The following VPS13B variants were observed in gnomAD, a reference collection of about 807,000 sequenced individuals.
The protein encoded by VPS13B is intermembrane lipid transfer protein VPS13B.
VPS13B carries 285 observed loss-of-function variants against 426.4 expected under a neutral mutation model. That is an observed-to-expected ratio of 0.67 (90% CI 0.61 to 0.74). VPS13B has a LOEUF of 0.74. Among genes scored for constraint, VPS13B ranks in the 30% least tolerant of loss-of-function variants. The probability of loss-of-function intolerance (pLI) is 0.00; values close to 1 mark genes in which losing one functional copy is unlikely to be tolerated. For synonymous variants in VPS13B, 1,676 were observed against 1,676.4 expected, an observed-to-expected ratio of 1.00 and a Z score of 0.01; for missense variants, 4,537 against 4,782.6, an observed-to-expected ratio of 0.95 and a Z score of 1.51.
intron 51 of VPS13B, among the ~76,000 whole-genome samples, chr8:99,829,238 C>A (rs1814905324): frequency 6.6e-6 from 1 of 152,188 alleles, no homozygotes; most frequent in Non-Finnish European, 1.5e-5. Context: ...GTACACCAAT[C>A]AAATGTAGGT....
chr8:99,165,822 A>G (rs1811969679), intron 15 of VPS13B, among the ~76,000 whole-genome samples: 1 of 152,320 alleles, frequency 6.6e-6, no homozygotes, highest in African/African-American at 2.4e-5. Context: ...GGCTCAGTAT[A>G]TATTTTAGGC....
intron 2 of VPS13B, among the ~76,000 whole-genome samples, chr8:99,030,838 A>C (rs1460674573): frequency 6.6e-6 from 1 of 152,192 alleles, no homozygotes; most frequent in East Asian, 1.9e-4. Context: ...AATATTTATT[A>C]ATCTTAATTT....
intron 58 of VPS13B, chr8:99,868,007 A>G (rs1353075128): frequency 3.8e-5 from 15 of 398,422 alleles, no homozygotes; most frequent in Non-Finnish European, 3.3e-5. Flanking sequence ...TGTATGGATG[A>G]CACTCTGAAT....
At chr8:99,616,765 C>T (rs116893149) in intron 33 of VPS13B, among the ~76,000 whole-genome samples, 552 of 152,310 alleles carry the variant, frequency 3.6e-3, no homozygotes, top group Non-Finnish European at 5.4e-3. Context: ...GCCGAAGTTG[C>T]GGTGAGCCGA....
chr8:99,051,763 T>A lies in VPS13B; in HGVS notation c.291+13197T>A, dbSNP rs1237062089. ...TCCTTCACATCCCTTGTAAGTTGGA[T>A]TCCTAGGTATTTCATTCTCTTTGAA... is the stretch of plus-strand genomic sequence containing the variant. On this transcript the variant is annotated intron_variant, in intron 3 of 61. Transcript: ENST00000357162. 4.6e-5 allele frequency among the ~76,000 whole-genome samples: 7 copies of A among 152,344 alleles called. No individual in the cohort carries two copies. In the East Asian group the frequency reaches 1.3e-3, roughly 29 times the overall value.
At chr8:99,261,024 A>T (rs1404352861) in intron 17 of VPS13B, among the ~76,000 whole-genome samples, 1 of 151,942 alleles carries the variant, frequency 6.6e-6, no homozygotes, top group African/African-American at 2.4e-5. Context: ...GATTTCCCTT[A>T]TACCCCCACC....
rs1377264461 is a variant in VPS13B at position 99,875,987 on chromosome 8, T to TA, written c.*322dup. ...GACAAAAACGTGTTCCTTCCCCACT[T>TA]AGAGACAATGATTAACAGGGCCCTA... is the stretch of plus-strand genomic sequence containing the variant. On this transcript the variant is annotated 3_prime_UTR_variant, in exon 62 of 62. Transcript: ENST00000357162. 2 of 371,778 alleles carry TA rather than the reference T, an allele frequency of 5.4e-6. No individual in the cohort carries two copies. Among genetic ancestry groups the TA allele is most frequent in the Non-Finnish European group, 1.0e-5 (2 of 198,470 alleles). 23.0% of individuals were successfully genotyped at this position (371,778 alleles called of 1,614,324 possible). A position where few individuals can be genotyped will look rare whatever the true frequency, so the allele number is the denominator to read the frequency against.
intron 16 of VPS13B, among the ~76,000 whole-genome samples, chr8:99,173,831 C>G (rs986110892): frequency 6.6e-6 from 1 of 152,200 alleles, no homozygotes; most frequent in Non-Finnish European, 1.5e-5. Flanking sequence ...TAAGACCACA[C>G]AGTTAATTAA....
chr8:99,269,986 G>T (rs1818488997), intron 17 of VPS13B, among the ~76,000 whole-genome samples: 2 of 151,696 alleles, frequency 1.3e-5, no homozygotes, highest in South Asian at 4.2e-4. Flanking sequence ...TTTTCTTAAG[G>T]AGAAATTATG....
intron 43 of VPS13B, among the ~76,000 whole-genome samples, chr8:99,798,692 G>A (rs1169767993): frequency 1.3e-5 from 2 of 152,066 alleles, no homozygotes; most frequent in Non-Finnish European, 2.9e-5. Flanking sequence ...TCCTCCCCTG[G>A]CAATAAATCT....
chr8:99,619,727 C>T (rs139264184), intron 33 of VPS13B, among the ~76,000 whole-genome samples: 28 of 151,880 alleles, frequency 1.8e-4, no homozygotes, highest in South Asian at 6.3e-4. Flanking sequence ...TAAAAATTAC[C>T]GGGTGTGGTG....
intron 39 of VPS13B, among the ~76,000 whole-genome samples, chr8:99,763,135 CAAAAAAAAA>C (rs750289763): frequency 1.7e-4 from 6 of 35,848 alleles, no homozygotes; most frequent in East Asian, 4.6e-4. Context: ...GACCTTGTCT[CAAAAAAAAA>C]AAAAAAAAAA....
In VPS13B at chr8:99,832,620, C is replaced by T. The variant is rs757859930; in HGVS notation, c.9582C>T (p.Leu3194=). The stretch of plus-strand genomic sequence containing the variant: ...CCAGACAGAGTGTGGCAGTACCCCT[C>T]GGGAATTTCCGGGAAAATGGATTCT... ...EFPRQSVAVP[L]GNFRENGFCT... The change falls in exon 52 of 62, where the codon CTC becomes CTT. Residue 3194 remains leucine (L), a synonymous_variant. Coordinates refer to ENST00000357162, the MANE Select transcript of VPS13B (RefSeq NM_152564.5). 29 of 1,613,572 alleles carry T rather than the reference C, an allele frequency of 1.8e-5. No individual in the cohort carries two copies. The highest frequency in any genetic ancestry group is 2.7e-5 in the African/African-American group (2 of 74,844).
At chr8:99,249,219 A>G (rs1156952334) in intron 17 of VPS13B, among the ~76,000 whole-genome samples, 1 of 151,962 alleles carries the variant, frequency 6.6e-6, no homozygotes, top group African/African-American at 2.4e-5. Context: ...TCATTTTTTT[A>G]TTGCTCATAA....
At chr8:99,801,593 T>C (rs1813126109) in intron 43 of VPS13B, among the ~76,000 whole-genome samples, 1 of 152,202 alleles carries the variant, frequency 6.6e-6, no homozygotes, top group Admixed American at 6.5e-5. Flanking sequence ...TCAACATGTC[T>C]TTCTTATTTT....
chr8:99,647,922 C>T (rs1829658813), intron 34 of VPS13B, among the ~76,000 whole-genome samples: 1 of 152,112 alleles, frequency 6.6e-6, no homozygotes, highest in Admixed American at 6.6e-5. Context: ...ATTCAGGCAA[C>T]TATAATGAAG....
At chr8:99,871,796 G>A in intron 61 of VPS13B, 99 bp downstream of exon 61, 8 of 1,590,522 alleles carry the variant, frequency 5.0e-6, no homozygotes, top group Non-Finnish European at 6.0e-6. Context: ...TGCAGCCTCT[G>A]GAGTGGCTGC....
intron 33 of VPS13B, among the ~76,000 whole-genome samples, chr8:99,595,070 A>G (rs1292594216): frequency 1.3e-5 from 2 of 151,988 alleles, no homozygotes; most frequent in African/African-American, 4.8e-5. Flanking sequence ...GTTTCTCTTC[A>G]TAAGCTCTGT....
chr8:99,654,518 CAAGT>C lies in VPS13B; in HGVS notation c.5909-6830_5909-6827del, dbSNP rs1288465437. On this transcript the variant is annotated intron_variant, in intron 34 of 61. Transcript: ENST00000357162. ...GTAAATATAGAAAATATATTTTCTCCAAGTAAGTATAGAAAAATGTATGAAACTC... is the reference window on the plus strand; with the variant it reads ...GTAAATATAGAAAATATATTTTCTCCAAGTATAGAAAAATGTATGAAACTC... Among the ~76,000 whole-genome samples, 9 of 152,074 alleles carry C rather than the reference CAAGT, an allele frequency of 5.9e-5. No homozygotes were observed. The East Asian group carries it at 1.7e-3, about 29-fold the overall frequency.
Sources: gnomAD v4.1 joint callset for allele counts (sites outside exome capture counted in the v4.1 genomes callset) on GRCh38, gnomAD v4.1.1 for gene constraint, MANE v1.5 for transcripts, NCBI Gene and HGNC (gene_info 2026-07-23, HGNC 2026-07-21) for gene names.